The following CFAP53 variants were observed in gnomAD, a reference collection of about 807,000 sequenced individuals.
The protein encoded by CFAP53 is cilia and flagella associated protein 53.
CFAP53 carries 62 observed loss-of-function variants against 59.7 expected under a neutral mutation model. The ratio of observed to expected loss-of-function variants is 1.04; its 90% CI spans 0.85 to 1.28. The LOEUF is 1.28. Among genes scored for constraint, CFAP53 ranks in the 50% most tolerant of loss-of-function variants. CFAP53 has a pLI of 0.00. For missense variants in CFAP53, 629 were observed against 615.6 expected (o/e 1.02, Z -0.23); for synonymous variants, 218 against 205.7 (o/e 1.06, Z -0.51).
intron 3 of CFAP53, among the ~76,000 whole-genome samples, chr18:50,258,565 C>G (rs1354518369): frequency 6.6e-6 from 1 of 151,998 alleles, no homozygotes; most frequent in Non-Finnish European, 1.5e-5. Flanking sequence ...TGAGCAATAC[C>G]CTATAAGCAC....
intron 5 of CFAP53, among the ~76,000 whole-genome samples, chr18:50,244,138 A>C (rs2033720271): frequency 6.6e-6 from 1 of 152,158 alleles, no homozygotes; most frequent in African/African-American, 2.4e-5. Context: ...ATCCAATAGC[A>C]ATGAGTTCAT....
At chr18:50,249,006 C>A (rs2033771963) in intron 5 of CFAP53, among the ~76,000 whole-genome samples, 2 of 151,710 alleles carry the variant, frequency 1.3e-5, no homozygotes, top group African/African-American at 4.8e-5. Flanking sequence ...AGTTTGAGAC[C>A]AGCCTGGCCA....
chr18:50,253,018 CTTTTTTT>C (rs1202677473), intron 3 of CFAP53, among the ~76,000 whole-genome samples: 1 of 142,232 alleles, frequency 7.0e-6, no homozygotes, highest in Non-Finnish European at 1.6e-5. Context: ...GACCCTGTTT[CTTTTTTT>C]TTTTTTTTTG....
chr18:50,261,960 T>C, intron 2 of CFAP53, 30 bp downstream of exon 2: 1 of 1,550,322 alleles, frequency 6.5e-7, no homozygotes, highest in Non-Finnish European at 8.9e-7. Context: ...GAATATTTCA[T>C]GGTTTATGTC....
intron 3 of CFAP53, among the ~76,000 whole-genome samples, chr18:50,260,487 C>A (rs1457691340): frequency 6.6e-6 from 1 of 152,006 alleles, no homozygotes; most frequent in Non-Finnish European, 1.5e-5. Flanking sequence ...CATGACGAAA[C>A]CCCCATCTCT....
chr18:50,265,856 C>T (rs1464140632), intron 1 of CFAP53, among the ~76,000 whole-genome samples: 5 of 152,166 alleles, frequency 3.3e-5, no homozygotes, highest in East Asian at 1.9e-4. Flanking sequence ...ACAGGAAAGG[C>T]GTTGGGTGCT....
intron 5 of CFAP53, among the ~76,000 whole-genome samples, chr18:50,245,833 T>C (rs759505689): frequency 4.6e-5 from 7 of 152,194 alleles, no homozygotes; most frequent in Non-Finnish European, 7.3e-5. Context: ...AGAACAAAGT[T>C]TGAGGATTTA....
chr18:50,234,137 G>A (rs1239018390), intron 7 of CFAP53, among the ~76,000 whole-genome samples: 2 of 152,148 alleles, frequency 1.3e-5, no homozygotes, highest in African/African-American at 4.8e-5. Context: ...AACACACCAG[G>A]AATGGAAGCT....
At chr18:50,261,602 G>C (rs2033894742) in intron 2 of CFAP53, among the ~76,000 whole-genome samples, 1 of 151,688 alleles carries the variant, frequency 6.6e-6, no homozygotes. Context: ...GTGTTGCCCA[G>C]GCTGGTCTCA....
intron 5 of CFAP53, among the ~76,000 whole-genome samples, chr18:50,245,418 C>T (rs1178681189): frequency 2.0e-5 from 3 of 149,216 alleles, no homozygotes; most frequent in East Asian, 3.9e-4. Context: ...AACTAATAAA[C>T]GAGTTTAGCA....
chr18:50,227,532 T>C lies in CFAP53; in HGVS notation c.1394A>G (p.Glu465Gly), dbSNP rs1319206231. 1 of 1,614,210 alleles carries C rather than the reference T, an allele frequency of 6.2e-7. No homozygotes were observed. The highest frequency in any genetic ancestry group is 1.1e-5 in the South Asian group (1 of 91,084). ...AAACTCTCGGCGTTTCTCTTCCTTCTCTGCTTCTTGGGACTGCTGCTGGTA... is the reference window on the plus strand; with the variant it reads ...AAACTCTCGGCGTTTCTCTTCCTTCCCTGCTTCTTGGGACTGCTGCTGGTA... Reference protein sequence around the residue: ...IAYQQQSQEAEKEEKRREFEA... With the variant: ...IAYQQQSQEAGKEEKRREFEA... Residue 465 changes from glutamate (E) to glycine (G), a missense_variant, in exon 8 of 8, where the codon GAG becomes GGG. Coordinates refer to ENST00000398545, the MANE Select transcript of CFAP53 (RefSeq NM_145020.5).
intron 7 of CFAP53, among the ~76,000 whole-genome samples, chr18:50,234,035 G>GC (rs1568150487): frequency 1.3e-5 from 2 of 151,994 alleles, no homozygotes; most frequent in African/African-American, 4.8e-5. Flanking sequence ...CACTTGTAAG[G>GC]CTCACCTCTG....
intron 7 of CFAP53, among the ~76,000 whole-genome samples, chr18:50,231,948 AG>A (rs2144401244): frequency 6.6e-6 from 1 of 152,266 alleles, no homozygotes; most frequent in Non-Finnish European, 1.5e-5. Flanking sequence ...GGGCCAACAC[AG>A]GCAGAGTCCT....
At chr18:50,229,584 T>C (rs1173136428) in intron 7 of CFAP53, among the ~76,000 whole-genome samples, 1 of 152,212 alleles carries the variant, frequency 6.6e-6, no homozygotes, top group East Asian at 1.9e-4. Flanking sequence ...TTTTAATTTT[T>C]TGGACATATA....
intron 5 of CFAP53, among the ~76,000 whole-genome samples, chr18:50,248,817 C>T (rs997803406): frequency 4.1e-5 from 6 of 147,746 alleles, no homozygotes; most frequent in Admixed American, 4.1e-4. Flanking sequence ...AGAATGTGTT[C>T]ACAGAAAAAC....
chr18:50,227,723 CA>C lies in CFAP53; in HGVS notation c.1317-115del. The C allele has an allele frequency of 2.5e-6, 2 of 790,120 alleles. 1 individual carries two copies. The highest frequency in any genetic ancestry group is 4.1e-6 in the Non-Finnish European group (2 of 485,072). 48.9% of individuals were successfully genotyped at this position (790,120 alleles called of 1,614,324 possible). A position where few individuals can be genotyped will look rare whatever the true frequency, so the allele number is the denominator to read the frequency against. On this transcript the variant is annotated intron_variant, in intron 7 of 7. Transcript: ENST00000398545. ...AGTCAAATTAAATTCCCATTAAAAT[CA>C]GGGTGAGTGGAGAAGAAATAGATGA...
intron 3 of CFAP53, among the ~76,000 whole-genome samples, chr18:50,258,051 G>A (rs1369957747): frequency 6.6e-6 from 1 of 151,878 alleles, no homozygotes; most frequent in East Asian, 1.9e-4. Context: ...GTGAGACCCT[G>A]TCTCAAAATA....
At chr18:50,232,311 C>T (rs1188110755) in intron 7 of CFAP53, among the ~76,000 whole-genome samples, 4 of 152,162 alleles carry the variant, frequency 2.6e-5, no homozygotes, top group Admixed American at 2.6e-4. Flanking sequence ...CAGCATGGCC[C>T]CTATGTAGAA....
chr18:50,237,367 TAC>T lies in CFAP53; in HGVS notation c.1316+1234_1316+1235del, dbSNP rs757901571. Among the ~76,000 whole-genome samples, 437 of 63,910 alleles carry T rather than the reference TAC, an allele frequency of 6.8e-3. 29 individuals carry two copies. The East Asian group carries it at 0.12, about 18-fold the overall frequency. The allele number at this position is 63,910 out of a possible 152,430, so 41.9% of individuals were successfully genotyped here. On this transcript the variant is annotated intron_variant, in intron 7 of 7. Coordinates refer to ENST00000398545, the MANE Select transcript of CFAP53 (RefSeq NM_145020.5). Reference sequence around the variant, plus strand: ...ATATATATATACGCACACATATATATACACACACACACACACATACACACACA... The same window carrying T: ...ATATATATATACGCACACATATATATACACACACACACACATACACACACA...
Sources: allele counts gnomAD v4.1 joint callset (sites outside exome capture counted in the v4.1 genomes callset), GRCh38; gene constraint gnomAD v4.1.1; transcripts MANE v1.5; gene names NCBI Gene and HGNC (gene_info 2026-07-23, HGNC 2026-07-21).